LEMD3: variants seen among roughly 807,000 people sequenced by gnomAD.
LEMD3 encodes inner nuclear membrane protein Man1.
In LEMD3, 33 loss-of-function variants were observed where a neutral mutation model predicts 95.2. That is an observed-to-expected ratio of 0.35 (90% CI 0.26 to 0.46). The LOEUF is 0.46. LEMD3 is among the 20% of genes least tolerant of loss of function. The pLI is 1.00. For missense variants in LEMD3, 1,210 were observed against 1,192.8 expected, an observed-to-expected ratio of 1.01 and a Z score of -0.21; for synonymous variants, 525 against 474.6, an observed-to-expected ratio of 1.11 and a Z score of -1.38.
At chr12:65,171,292 A>T (rs1868543793) in intron 1 of LEMD3, 174 bp downstream of exon 1, 3 of 1,142,520 alleles carry the variant, frequency 2.6e-6, no homozygotes, top group Non-Finnish European at 3.7e-6. Context: ...TATCGAAATG[A>T]TGTCATATGG....
intron 4 of LEMD3, among the ~76,000 whole-genome samples, chr12:65,225,880 C>G (rs1282735914): frequency 6.6e-6 from 1 of 152,146 alleles, no homozygotes; most frequent in Non-Finnish European, 1.5e-5. Flanking sequence ...GCTCCTGGCC[C>G]AGCTCTTTTT....
At chr12:65,237,868 C>A (rs994704710) in intron 4 of LEMD3, among the ~76,000 whole-genome samples, 3 of 152,128 alleles carry the variant, frequency 2.0e-5, no homozygotes. Flanking sequence ...TGTGAAACAT[C>A]CAAATCTGGA....
chr12:65,176,989 T>C (rs901013644), intron 1 of LEMD3, among the ~76,000 whole-genome samples: 2 of 152,236 alleles, frequency 1.3e-5, no homozygotes, highest in African/African-American at 4.8e-5. Flanking sequence ...CTTATTTCTG[T>C]AGAAGCCTCC....
At chr12:65,192,226 G>A (rs983613628) in intron 1 of LEMD3, among the ~76,000 whole-genome samples, 1 of 151,964 alleles carries the variant, frequency 6.6e-6, no homozygotes, top group Non-Finnish European at 1.5e-5. Context: ...CTGTACTTTT[G>A]ATATTAAGGG....
chr12:65,177,894 A>T (rs1381178218), intron 1 of LEMD3, among the ~76,000 whole-genome samples: 3 of 144,360 alleles, frequency 2.1e-5, no homozygotes, highest in African/African-American at 7.8e-5. Flanking sequence ...CCCAGGTTGG[A>T]TTGCAGTGGT....
chr12:65,207,932 A>G (rs1042597864), intron 1 of LEMD3, among the ~76,000 whole-genome samples: 1 of 152,190 alleles, frequency 6.6e-6, no homozygotes, highest in South Asian at 2.1e-4. Flanking sequence ...AACTAGTAAC[A>G]TTTTTGGAAT....
At chr12:65,217,840 A>G (rs543856339) in intron 3 of LEMD3, among the ~76,000 whole-genome samples, 10 of 152,230 alleles carry the variant, frequency 6.6e-5, no homozygotes, top group Admixed American at 3.9e-4. Context: ...TTTTTTTGAG[A>G]CAGGATCTTT....
rs550217382 is a variant in LEMD3, at chr12:65,204,411, A to G, written c.1523-6515A>G. On this transcript the variant is annotated intron_variant, in intron 1 of 12. Coordinates refer to ENST00000308330, the MANE Select transcript of LEMD3 (RefSeq NM_014319.5). ...TGTTCTCATCATTCAGCTCCCACTT[A>G]TAAGTGAGAACATAGAGTATTTGGT... Among the ~76,000 whole-genome samples, 29 of 152,166 alleles carry G rather than the reference A, an allele frequency of 1.9e-4. No homozygotes were observed. The South Asian group carries it at 5.8e-3, about 30-fold the overall frequency.
intron 1 of LEMD3, chr12:65,171,431 G>A (rs1276595497): frequency 5.6e-6 from 2 of 358,644 alleles, no homozygotes; most frequent in East Asian, 1.3e-4. Flanking sequence ...AAGACTATTT[G>A]CGCAGATGCC....
chr12:65,207,683 G>A (rs1869805154), intron 1 of LEMD3, among the ~76,000 whole-genome samples: 1 of 152,082 alleles, frequency 6.6e-6, no homozygotes, highest in African/African-American at 2.4e-5. Flanking sequence ...TTGATCCAAA[G>A]AAAGCGTAGG....
At position 65,238,792 on chromosome 12, in the gene LEMD3, C is replaced by T. The variant is rs200578207; in HGVS notation, c.1899C>T (p.His633=). 1.2e-5 allele frequency: 19 copies of T among 1,613,986 alleles called. No individual in the cohort carries two copies. Among genetic ancestry groups the T allele is most frequent in the Admixed American group, 1.2e-4 (7 of 60,004 alleles). Residue 633 remains histidine, a synonymous_variant, in exon 6 of 13, where the codon CAC becomes CAT. Transcript: ENST00000308330. ...GACGTGCTTTTGTTACTGTAACTCA[C>T]AGATTATTGTTGTTATGCTTAGGTA... ...RFRRAFVTVT[H]RLLLLCLGVV...
chr12:65,231,632 A>G (rs1382475057), intron 4 of LEMD3, among the ~76,000 whole-genome samples: 3 of 152,144 alleles, frequency 2.0e-5, no homozygotes, highest in South Asian at 2.1e-4. Context: ...TTGTACCACT[A>G]CACTCCAGCC....
intron 10 of LEMD3, among the ~76,000 whole-genome samples, chr12:65,243,713 A>C (rs949971766): frequency 3.9e-5 from 6 of 152,242 alleles, no homozygotes; most frequent in African/African-American, 1.4e-4. Flanking sequence ...GTCATAGCAG[A>C]TAGATAAATG....
At chr12:65,210,600 A>G (rs1869907130) in intron 1 of LEMD3, among the ~76,000 whole-genome samples, 1 of 152,154 alleles carries the variant, frequency 6.6e-6, no homozygotes, top group Non-Finnish European at 1.5e-5. Flanking sequence ...AGAAACTACA[A>G]TTTAGAGTAG....
At chr12:65,193,557 T>C (rs1443206460) in intron 1 of LEMD3, among the ~76,000 whole-genome samples, 1 of 152,140 alleles carries the variant, frequency 6.6e-6, no homozygotes, top group Admixed American at 6.5e-5. Flanking sequence ...TTAATGCATA[T>C]GCTGGAGCCC....
At chr12:65,229,038 A>G (rs907688640) in intron 4 of LEMD3, among the ~76,000 whole-genome samples, 1 of 152,104 alleles carries the variant, frequency 6.6e-6, no homozygotes, top group Non-Finnish European at 1.5e-5. Context: ...TTCTACCTCC[A>G]TGAGATCAAC....
At chr12:65,187,308 A>G (rs1001261959) in intron 1 of LEMD3, among the ~76,000 whole-genome samples, 1 of 152,072 alleles carries the variant, frequency 6.6e-6, no homozygotes, top group African/African-American at 2.4e-5. Context: ...CTTCAACTGT[A>G]GAGACTTTAA....
At chr12:65,213,338 ACC>A (rs1418749221) in intron 2 of LEMD3, among the ~76,000 whole-genome samples, 1 of 151,820 alleles carries the variant, frequency 6.6e-6, no homozygotes, top group African/African-American at 2.4e-5. Flanking sequence ...TTATCCTCCC[ACC>A]TCAGTCTCCT....
At chr12:65,238,894 T>C in intron 6 of LEMD3, 80 bp downstream of exon 6, 1 of 1,407,322 alleles carries the variant, frequency 7.1e-7, no homozygotes, top group Non-Finnish European at 1.0e-6. Context: ...GAGTTGAGAA[T>C]TCATTTTTGT....
Sources: allele counts gnomAD v4.1 joint callset (sites outside exome capture counted in the v4.1 genomes callset), GRCh38; gene constraint gnomAD v4.1.1; transcripts MANE v1.5; gene names NCBI Gene and HGNC (gene_info 2026-07-23, HGNC 2026-07-21).